Variants in CHN2 observed in about 807,000 individuals in gnomAD.
CHN2 encodes chimerin 2.
CHN2 carries 35 observed loss-of-function variants against 56.3 expected under a neutral mutation model. The observed-to-expected ratio is 0.62, with a 90% CI of 0.47 to 0.82. The LOEUF (loss-of-function observed/expected upper bound fraction) is 0.82. CHN2 is among the 40% of genes least tolerant of loss of function. The pLI, the probability that CHN2 is intolerant of heterozygous loss-of-function variation, is 0.00. For synonymous variants in CHN2, 210 were observed against 212.8 expected, an observed-to-expected ratio of 0.99 and a Z score of 0.12; for missense variants, 491 against 580.5, an observed-to-expected ratio of 0.85 and a Z score of 1.58.
chr7:29,396,645 A>G (rs1382544950), intron 4 of CHN2: 3 of 151,878 alleles, frequency 2.0e-5, no homozygotes, highest in Non-Finnish European at 2.9e-5. Context: ...TGTCTTTTCT[A>G]CTTATGTGTT....
At chr7:29,442,284 A>T (rs1243176147) in intron 6 of CHN2, among the ~76,000 whole-genome samples, 2 of 151,940 alleles carry the variant, frequency 1.3e-5, no homozygotes, top group Admixed American at 6.6e-5. Flanking sequence ...TCAGATTCTC[A>T]TGACTCAAAT....
intron 1 of CHN2, among the ~76,000 whole-genome samples, chr7:29,275,096 T>A (rs2128853189): frequency 6.6e-6 from 1 of 152,348 alleles, no homozygotes; most frequent in South Asian, 2.1e-4. Flanking sequence ...TCTTGATGGT[T>A]ACTTAACCTC....
intron 3 of CHN2, among the ~76,000 whole-genome samples, chr7:29,382,747 A>T (rs925609264): frequency 5.3e-5 from 8 of 152,294 alleles, no homozygotes; most frequent in South Asian, 2.1e-4. Flanking sequence ...CTTCCCCAGG[A>T]TGGCAGCATT....
At chr7:29,336,745 G>A (rs964466499) in intron 1 of CHN2, among the ~76,000 whole-genome samples, 1 of 105,634 alleles carries the variant, frequency 9.5e-6, no homozygotes, top group African/African-American at 3.9e-5. Context: ...GAGTAACAGA[G>A]CAAGATTCTG....
At chr7:29,344,373 G>C (rs918378805) in intron 1 of CHN2, among the ~76,000 whole-genome samples, 1 of 152,142 alleles carries the variant, frequency 6.6e-6, no homozygotes, top group Non-Finnish European at 1.5e-5. Context: ...GAAGAGGTAA[G>C]TCCTTAGCAT....
chr7:29,154,561 C>T (rs942781193), intron 2 of CHN2, among the ~76,000 whole-genome samples: 4 of 152,142 alleles, frequency 2.6e-5, no homozygotes, highest in African/African-American at 7.2e-5. Context: ...AGGCTGGGCA[C>T]GGTGACTCAT....
intron 1 of CHN2, among the ~76,000 whole-genome samples, chr7:29,256,260 C>T (rs993697833): frequency 3.3e-5 from 5 of 152,184 alleles, no homozygotes; most frequent in Admixed American, 1.3e-4. Flanking sequence ...CCCCAGATAA[C>T]TTCTCAGTCT....
intron 1 of CHN2, among the ~76,000 whole-genome samples, chr7:29,341,028 A>G (rs574009082): frequency 3.3e-5 from 5 of 152,288 alleles, no homozygotes; most frequent in South Asian, 2.1e-4. Context: ...CCCCGTCTCT[A>G]TATTCACAGA....
At chr7:29,303,308 C>T (rs1043618707) in intron 1 of CHN2, among the ~76,000 whole-genome samples, 3 of 151,852 alleles carry the variant, frequency 2.0e-5, no homozygotes, top group African/African-American at 7.3e-5. Context: ...CCCATTGATG[C>T]GCCGCCTTTG....
intron 2 of CHN2, among the ~76,000 whole-genome samples, chr7:29,189,244 G>A (rs759964854): frequency 8.5e-5 from 13 of 152,084 alleles, no homozygotes; most frequent in South Asian, 2.1e-4. Context: ...GAGCCACCGC[G>A]CCCAGCCAGT....
intron 6 of CHN2, among the ~76,000 whole-genome samples, chr7:29,473,811 C>T (rs1431499174): frequency 6.6e-6 from 1 of 151,902 alleles, no homozygotes; most frequent in Non-Finnish European, 1.5e-5. Context: ...CCTCTCTGGC[C>T]CTTGGTCTCT....
intron 2 of CHN2, chr7:29,147,128 G>A: frequency 1.1e-6 from 1 of 883,710 alleles, no homozygotes; most frequent in Non-Finnish European, 1.7e-6. Context: ...GCTTGTAAGT[G>A]ACCTGAGTGT....
At chr7:29,358,587 C>T (rs981048133) in intron 2 of CHN2, among the ~76,000 whole-genome samples, 7 of 151,918 alleles carry the variant, frequency 4.6e-5, no homozygotes, top group African/African-American at 1.2e-4. Flanking sequence ...CTCAGCCTCC[C>T]GAGTAGCTGG....
intron 1 of CHN2, among the ~76,000 whole-genome samples, chr7:29,329,798 T>A (rs781003589): frequency 6.6e-6 from 1 of 152,236 alleles, no homozygotes; most frequent in Non-Finnish European, 1.5e-5. Context: ...ATGTTTGAAT[T>A]AGGTCATTTA....
chr7:29,146,972 C>T lies in CHN2; in HGVS notation c.274+12C>T, dbSNP rs117747283. On this transcript the variant is annotated intron_variant, in intron 2 of 6. Coordinates refer to the CHN2 transcript ENST00000439384. ...CAGCTGCACTAGCAGTAAGCTCGCA[C>T]CAAGTGCCACTGTCCTGCCAAGCAC... The T allele has an allele frequency of 8.7e-3, 13,497 of 1,550,904 alleles. 79 individuals carry two copies. The highest frequency in any genetic ancestry group is 0.011 in the Non-Finnish European group (12,080 of 1,147,076).
intron 1 of CHN2, among the ~76,000 whole-genome samples, chr7:29,238,456 G>T (rs1391771797): frequency 6.6e-6 from 1 of 152,120 alleles, no homozygotes; most frequent in South Asian, 2.1e-4. Context: ...ATAGCTTATA[G>T]AAATAATATG....
At chr7:29,506,333 G>A (rs1316175971) in intron 10 of CHN2, among the ~76,000 whole-genome samples, 1 of 152,066 alleles carries the variant, frequency 6.6e-6, no homozygotes, top group Non-Finnish European at 1.5e-5. Context: ...TTAAAGTGCT[G>A]AAGTGAAATA....
intron 6 of CHN2, among the ~76,000 whole-genome samples, chr7:29,455,825 G>A (rs890856419): frequency 6.6e-6 from 1 of 152,090 alleles, no homozygotes; most frequent in African/African-American, 2.4e-5. Context: ...TGTTTTCATG[G>A]GCTCCTCTGG....
chr7:29,464,313 G>A (rs1213042122), intron 6 of CHN2, among the ~76,000 whole-genome samples: 1 of 152,154 alleles, frequency 6.6e-6, no homozygotes, highest in Admixed American at 6.5e-5. Flanking sequence ...AATGCTGGTT[G>A]TTCTAAAACA....
Sources: allele counts gnomAD v4.1 joint callset (sites outside exome capture counted in the v4.1 genomes callset), GRCh38; gene constraint gnomAD v4.1.1; transcripts MANE v1.5; gene names NCBI Gene and HGNC (gene_info 2026-07-23, HGNC 2026-07-21).